COG5: variants seen among roughly 807,000 people sequenced by gnomAD.
The protein encoded by COG5 is component of oligomeric golgi complex 5, also known as conserved oligomeric Golgi complex subunit 5.
In COG5, 86 loss-of-function variants were observed where a neutral mutation model predicts 110.4. The ratio of observed to expected loss-of-function variants is 0.78; its 90% confidence interval spans 0.65 to 0.93. COG5 has a LOEUF of 0.93. COG5 is among the 40% of genes least tolerant of loss of function. COG5 has a pLI of 0.00. For missense variants in COG5, 1,077 were observed against 987.0 expected (o/e 1.09, Z -1.22); for synonymous variants, 360 against 334.6 (o/e 1.08, Z -0.83).
chr7:107,296,885 T>C (rs1806794155), intron 12 of COG5, among the ~76,000 whole-genome samples: 1 of 152,210 alleles, frequency 6.6e-6, no homozygotes, highest in African/African-American at 2.4e-5. Flanking sequence ...AAGAAACTGC[T>C]ACTGCTTTAG....
intron 10 of COG5, among the ~76,000 whole-genome samples, chr7:107,344,410 G>A (rs1037643398): frequency 6.6e-6 from 1 of 152,172 alleles, no homozygotes; most frequent in African/African-American, 2.4e-5. Flanking sequence ...CAGAATTTAA[G>A]AATTAGGATA....
At chr7:107,363,122 C>T (rs114699573) in intron 8 of COG5, among the ~76,000 whole-genome samples, 2,238 of 152,110 alleles carry the variant, frequency 0.015, 54 homozygotes, top group African/African-American at 0.052. Context: ...GACACAAATA[C>T]GTAACAGGAA....
intron 10 of COG5, among the ~76,000 whole-genome samples, chr7:107,333,698 A>T (rs1810460782): frequency 6.6e-6 from 1 of 152,172 alleles, no homozygotes; most frequent in Admixed American, 6.5e-5. Flanking sequence ...GGATGAAAGG[A>T]TTAAATATGA....
At chr7:107,458,725 G>A (rs564697480) in intron 6 of COG5, among the ~76,000 whole-genome samples, 1 of 152,016 alleles carries the variant, frequency 6.6e-6, no homozygotes, top group Non-Finnish European at 1.5e-5. Context: ...CAGGTGTGGT[G>A]GTAAGTGCTT....
rs2066735 is a variant in COG5, at chr7:107,548,274, G to T, written c.347+4C>A. 0.28 allele frequency: 449,082 copies of T among 1,607,840 alleles called. 64,161 individuals carry two copies. Among genetic ancestry groups the T allele is most frequent in the East Asian group, 0.31 (13,790 of 44,804 alleles). On this transcript the variant is annotated splice_donor_region_variant and intron_variant, in intron 4 of 21. Transcript: ENST00000297135. ...CCATTTATTTATAAAATTAAGAACA[G>T]TACCTATCAACAGCTCCCTGTAAAG...
At chr7:107,406,545 T>A (rs1020544380) in intron 7 of COG5, among the ~76,000 whole-genome samples, 1 of 152,036 alleles carries the variant, frequency 6.6e-6, no homozygotes, top group South Asian at 2.1e-4. Context: ...CTGGTAAAAA[T>A]GTGCACAAGA....
intron 19 of COG5, among the ~76,000 whole-genome samples, chr7:107,212,886 G>A (rs1354925077): frequency 6.6e-6 from 1 of 152,186 alleles, no homozygotes; most frequent in Non-Finnish European, 1.5e-5. Flanking sequence ...AGCCACAGGG[G>A]GGATTCTCCT....
intron 3 of COG5, among the ~76,000 whole-genome samples, chr7:107,550,891 G>GTT (rs75923322): frequency 1.1e-3 from 150 of 141,796 alleles, no homozygotes; most frequent in Admixed American, 3.0e-3. Flanking sequence ...CTTGTACTTT[G>GTT]TTTTTTTTTT....
intron 6 of COG5, among the ~76,000 whole-genome samples, chr7:107,503,862 G>A (rs1798795743): frequency 6.6e-6 from 1 of 152,092 alleles, no homozygotes; most frequent in African/African-American, 2.4e-5. Context: ...GACTTTACTT[G>A]TTTATCAAAT....
At chr7:107,466,430 C>T (rs370348059) in intron 6 of COG5, among the ~76,000 whole-genome samples, 4 of 151,986 alleles carry the variant, frequency 2.6e-5, no homozygotes, top group Non-Finnish European at 4.4e-5. Context: ...ATGAAAAAAA[C>T]GTAAATGCCC....
chr7:107,391,434 C>T (rs1790617333), intron 7 of COG5, among the ~76,000 whole-genome samples: 1 of 152,244 alleles, frequency 6.6e-6, no homozygotes, highest in East Asian at 1.9e-4. Context: ...CTATTGGTTG[C>T]CTTTTCACTC....
chr7:107,211,394 C>A (rs996886613), intron 19 of COG5, among the ~76,000 whole-genome samples, 169 bp from the exon 20 acceptor site: 1 of 152,128 alleles, frequency 6.6e-6, no homozygotes, highest in Admixed American at 6.5e-5. Flanking sequence ...AAGCCTCTAC[C>A]CCCACATGCC....
rs151022162 is a variant in COG5, at chr7:107,289,710, T to A, written c.1314-5978A>T. Among the ~76,000 whole-genome samples the A allele has an allele frequency of 2.6e-5, 4 of 152,372 alleles. No individual in the cohort carries two copies. The East Asian group carries it at 7.7e-4, about 29-fold the overall frequency. On this transcript the variant is annotated intron_variant, in intron 12 of 21. Transcript: ENST00000297135. ...CAGTTTTATGAGTATAAATTTGCAC[T>A]CCTTTTGTTAAAGTTATTCCTAAAT...
intron 10 of COG5, among the ~76,000 whole-genome samples, chr7:107,339,898 T>C (rs1811033493): frequency 6.6e-6 from 1 of 151,940 alleles, no homozygotes; most frequent in Non-Finnish European, 1.5e-5. Flanking sequence ...GCCAAATACC[T>C]ACCTCAAAAA....
chr7:107,314,147 G>A (rs578054587), intron 11 of COG5, among the ~76,000 whole-genome samples: 3 of 152,204 alleles, frequency 2.0e-5, no homozygotes, highest in Non-Finnish European at 2.9e-5. Flanking sequence ...CAGGAGACAC[G>A]AGCACAAACT....
chr7:107,377,901 G>T (rs1466019442), intron 7 of COG5, among the ~76,000 whole-genome samples: 1 of 152,050 alleles, frequency 6.6e-6, no homozygotes, highest in Non-Finnish European at 1.5e-5. Flanking sequence ...CTGCCTGCTG[G>T]CTCTGAAGCA....
At chr7:107,246,838 C>T (rs1802094096) in intron 17 of COG5, among the ~76,000 whole-genome samples, 1 of 152,150 alleles carries the variant, frequency 6.6e-6, no homozygotes, top group African/African-American at 2.4e-5. Context: ...AAAAGCAGAA[C>T]TACCATTTGA....
chr7:107,527,031 T>C (rs1340741128), intron 6 of COG5, among the ~76,000 whole-genome samples: 4 of 152,298 alleles, frequency 2.6e-5, no homozygotes, highest in East Asian at 1.9e-4. Flanking sequence ...AATTTTACTA[T>C]ATAATTAAAA....
intron 11 of COG5, among the ~76,000 whole-genome samples, chr7:107,317,316 A>C (rs1166733448): frequency 1.3e-5 from 2 of 152,052 alleles, no homozygotes; most frequent in Non-Finnish European, 2.9e-5. Flanking sequence ...CACAAAATAG[A>C]ATACCGGAGA....
Sources: allele counts gnomAD v4.1 joint callset (sites outside exome capture counted in the v4.1 genomes callset), GRCh38; gene constraint gnomAD v4.1.1; transcripts MANE v1.5; gene names NCBI Gene and HGNC (gene_info 2026-07-23, HGNC 2026-07-21).